The following NXN variants were observed in gnomAD, a reference collection of about 807,000 sequenced individuals.
NXN encodes nucleoredoxin 1.
Under a neutral mutation model 48.6 loss-of-function variants are expected in NXN, and 16 were observed. The observed-to-expected ratio is 0.33, with a 90% confidence interval of 0.22 to 0.50. The LOEUF is 0.50. NXN is among the 20% of genes least tolerant of loss of function. The pLI is 0.98. For synonymous variants in NXN, 281 were observed against 269.6 expected (o/e 1.04, Z -0.41); for missense variants, 492 against 605.5 (o/e 0.81, Z 1.97).
At chr17:931,688 A>G (rs1597251797) in intron 1 of NXN, among the ~76,000 whole-genome samples, 2 of 151,184 alleles carry the variant, frequency 1.3e-5, no homozygotes, top group Admixed American at 1.3e-4. Context: ...TACAAAAATT[A>G]GCCGGGCGTG....
chr17:886,368 C>A (rs2068347617), intron 1 of NXN, among the ~76,000 whole-genome samples: 1 of 152,120 alleles, frequency 6.6e-6, no homozygotes, highest in South Asian at 2.1e-4. Flanking sequence ...TCTTACCGAG[C>A]CAGAGGGAAT....
intron 1 of NXN, among the ~76,000 whole-genome samples, chr17:873,494 A>C (rs1281746410): frequency 1.1e-4 from 10 of 93,986 alleles, no homozygotes; most frequent in South Asian, 9.0e-4. Flanking sequence ...CACTGTCTCC[A>C]AAAAAAAAAA....
chr17:979,439 G>T lies in NXN; in HGVS notation c.240C>A (p.Pro80=). The change falls in exon 1 of 8, where the codon CCC becomes CCA. Residue 80 remains proline, a synonymous_variant. Coordinates refer to ENST00000336868, the MANE Select transcript of NXN (RefSeq NM_022463.5). ...PGAGAGAAAE[P]EPRRRLEIVF... is the part of the protein sequence containing the mutation. ...CGATCTCCAGGCGCCGCCGCGGCTC[G>T]GGCTCCGCCGCCGCCCCGGCCCCCG... The T allele has an allele frequency of 7.8e-7, 1 of 1,282,542 alleles. No individual in the cohort carries two copies. 79.4% of individuals were successfully genotyped at this position (1,282,542 alleles called of 1,614,324 possible).
In NXN at chr17:806,304, G is replaced by A. The variant is rs867371266; in HGVS notation, c.821-1057C>T. Among the ~76,000 whole-genome samples the A allele has an allele frequency of 9.7e-4, 136 of 140,768 alleles. 1 individual carries two copies. Among genetic ancestry groups the A allele is most frequent in the Middle Eastern group, 8.4e-3 (2 of 238 alleles). 92.3% of individuals were successfully genotyped at this position (140,768 alleles called of 152,430 possible). ...CTTCCCCAGGGCTGCAGCCCCCGCC[G>A]TCTGCACCCCAGCTCCCCCCTTCCC... On this transcript the variant is annotated intron_variant, in intron 5 of 7. Coordinates refer to ENST00000336868, the MANE Select transcript of NXN (RefSeq NM_022463.5).
intron 1 of NXN, among the ~76,000 whole-genome samples, chr17:870,847 TTTTATTTA>T (rs761348785): frequency 2.6e-5 from 4 of 151,516 alleles, no homozygotes; most frequent in East Asian, 3.9e-4. Flanking sequence ...TGCTACATGC[TTTTATTTA>T]TTTATTTATT....
intron 1 of NXN, among the ~76,000 whole-genome samples, chr17:836,524 G>A (rs559134955): frequency 2.3e-4 from 35 of 152,236 alleles, no homozygotes; most frequent in African/African-American, 6.7e-4. Context: ...TATACACTGA[G>A]AGCAGGAATC....
chr17:974,019 T>C (rs1178291334), intron 1 of NXN, among the ~76,000 whole-genome samples: 1 of 151,640 alleles, frequency 6.6e-6, no homozygotes, highest in East Asian at 2.0e-4. Context: ...CAAATCCCCT[T>C]GTATGCTTGT....
At chr17:901,996 G>A (rs960177835) in intron 1 of NXN, among the ~76,000 whole-genome samples, 2 of 151,912 alleles carry the variant, frequency 1.3e-5, no homozygotes, top group African/African-American at 4.8e-5. Context: ...CACCGCACCC[G>A]GCCTCAGCTT....
chr17:960,788 A>ATTTTTTTTT (rs1159400723), intron 1 of NXN, among the ~76,000 whole-genome samples: 1 of 138,190 alleles, frequency 7.2e-6, no homozygotes, highest in African/African-American at 2.6e-5. Context: ...AATTAACTCG[A>ATTTTTTTTT]TTTTTTTTTT....
At chr17:971,486 G>GGGCA (rs2069377503) in intron 1 of NXN, among the ~76,000 whole-genome samples, 1 of 151,766 alleles carries the variant, frequency 6.6e-6, no homozygotes, top group Non-Finnish European at 1.5e-5. Flanking sequence ...CGAGGCAGGT[G>GGGCA]GATCATGAGG....
intron 5 of NXN, among the ~76,000 whole-genome samples, chr17:812,877 T>C (rs543300557): frequency 1.3e-4 from 20 of 148,720 alleles, no homozygotes; most frequent in Admixed American, 4.7e-4. Context: ...TGTGGGTGTG[T>C]GCGCACATGT....
At chr17:896,687 G>A (rs562389390) in intron 1 of NXN, among the ~76,000 whole-genome samples, 12 of 152,170 alleles carry the variant, frequency 7.9e-5, no homozygotes, top group Admixed American at 3.3e-4. Context: ...TAGTCACCCC[G>A]GCCCAAGGAA....
chr17:978,236 A>G lies in NXN; in HGVS notation c.360+1083T>C, dbSNP rs2244811. On this transcript the variant is annotated intron_variant, in intron 1 of 7. Transcript: ENST00000336868. The surrounding 1 kb of genome is among the most constrained non-coding windows in gnomAD (Gnocchi z 4.1). ...TTCCTCAAAAAGGGAAAGGGGCTGG[A>G]TTCACACGTTGCATCATATACACTC... 23,236 of 152,200 alleles carry G rather than the reference A, an allele frequency of 0.15. 2,815 individuals carry two copies. The highest frequency in any genetic ancestry group is 0.34 in the African/African-American group (13,992 of 41,486). 9.4% of individuals were successfully genotyped at this position (152,200 alleles called of 1,614,324 possible). A position where few individuals can be genotyped will look rare whatever the true frequency, so the allele number is the denominator to read the frequency against.
At chr17:921,688 C>G in intron 1 of NXN, among the ~76,000 whole-genome samples, 1 of 147,668 alleles carries the variant, frequency 6.8e-6, no homozygotes, top group South Asian at 2.2e-4. Flanking sequence ...CTCACTGCCC[C>G]TGGACAACAC....
chr17:823,405 A>G (rs1166463627), intron 3 of NXN, among the ~76,000 whole-genome samples: 1 of 152,048 alleles, frequency 6.6e-6, no homozygotes, highest in Non-Finnish European at 1.5e-5. Flanking sequence ...GCTCAGAAAA[A>G]AAAAAAAGAG....
intron 1 of NXN, among the ~76,000 whole-genome samples, chr17:866,628 C>T (rs1462305030): frequency 6.6e-6 from 1 of 152,134 alleles, no homozygotes; most frequent in Non-Finnish European, 1.5e-5. Flanking sequence ...CTCAGTAACA[C>T]CCTTCAGTAC....
At chr17:894,170 G>A (rs56268612) in intron 1 of NXN, among the ~76,000 whole-genome samples, 2 of 70,402 alleles carry the variant, frequency 2.8e-5, no homozygotes, top group Non-Finnish European at 5.4e-5. Context: ...CATCTCAAAC[G>A]CCCTGGAAGC....
At chr17:916,766 C>T (rs548777542) in intron 1 of NXN, among the ~76,000 whole-genome samples, 5 of 152,096 alleles carry the variant, frequency 3.3e-5, no homozygotes, top group Non-Finnish European at 7.4e-5. Context: ...GGTGTGGTGG[C>T]GGACATCTGT....
At chr17:915,962 G>C (rs1388667673) in intron 1 of NXN, among the ~76,000 whole-genome samples, 2 of 152,092 alleles carry the variant, frequency 1.3e-5, no homozygotes, top group East Asian at 3.9e-4. Context: ...CTGTGTTTTT[G>C]TTTGTAGGCT....
Sources: allele counts gnomAD v4.1 joint callset (sites outside exome capture counted in the v4.1 genomes callset), GRCh38; gene constraint gnomAD v4.1.1; non-coding constraint Gnocchi (gnomAD v3.1); transcripts MANE v1.5; gene names NCBI Gene and HGNC (gene_info 2026-07-23, HGNC 2026-07-21).